Variants in EFHC2 observed in about 807,000 individuals in gnomAD.
The protein encoded by EFHC2 is EF-hand domain-containing family member C2.
A neutral mutation model predicts 52.7 loss-of-function variants in EFHC2; 18 were observed. That is an observed-to-expected ratio of 0.34 (90% CI 0.24 to 0.51). The LOEUF (loss-of-function observed/expected upper bound fraction) is 0.51. Among genes scored for constraint, EFHC2 ranks in the 20% least tolerant of loss-of-function variants. The probability of loss-of-function intolerance (pLI) is 0.97; values close to 1 mark genes in which losing one functional copy is unlikely to be tolerated. For synonymous variants in EFHC2, 203 were observed against 204.1 expected (o/e 0.99, Z 0.04); for missense variants, 513 against 562.5 (o/e 0.91, Z 0.89).
intron 14 of EFHC2, 45 bp from the exon 15 acceptor site, chrX:44,148,941 A>G (rs757555484): frequency 3.3e-5 from 36 of 1,077,357 alleles, no homozygotes; most frequent in Middle Eastern, 2.5e-4. Context: ...CACATTTCAA[A>G]GTACAGTTTT....
intron 11 of EFHC2, among the ~76,000 whole-genome samples, chrX:44,226,916 A>AGAAG (rs778406403): frequency 2.7e-5 from 3 of 109,130 alleles, no homozygotes; most frequent in Non-Finnish European, 3.8e-5. Flanking sequence ...AAGAAAAAGA[A>AGAAG]GAAGGAAGGA....
chrX:44,338,852 T>C (rs1456141459), intron 1 of EFHC2, among the ~76,000 whole-genome samples: 1 of 111,239 alleles, frequency 9.0e-6, no homozygotes, highest in Admixed American at 9.6e-5. Flanking sequence ...GATGGGCTAT[T>C]TACAGCAAAC....
At chrX:44,254,887 C>T (rs1160547750) in intron 4 of EFHC2, among the ~76,000 whole-genome samples, 1 of 111,895 alleles carries the variant, frequency 8.9e-6, no homozygotes, top group Non-Finnish European at 1.9e-5. Flanking sequence ...GGTCGGGTTA[C>T]CCACAAAGGG....
At chrX:44,329,799 T>C (rs963067607) in intron 1 of EFHC2, among the ~76,000 whole-genome samples, 1 of 108,383 alleles carries the variant, frequency 9.2e-6, no homozygotes, top group Non-Finnish European at 1.9e-5. Flanking sequence ...AGAGTCAAAG[T>C]CCCCTTATGT....
At chrX:44,225,453 A>G (rs2037225868) in intron 11 of EFHC2, among the ~76,000 whole-genome samples, 1 of 110,237 alleles carries the variant, frequency 9.1e-6, no homozygotes. Flanking sequence ...ATCTCTGAGA[A>G]AAAGGGCAAT....
chrX:44,234,559 G>A (rs958585778), intron 9 of EFHC2, among the ~76,000 whole-genome samples: 29 of 111,782 alleles, frequency 2.6e-4, no homozygotes, highest in Non-Finnish European at 5.1e-4. Flanking sequence ...CCATGGTTGG[G>A]GTATTCACAC....
At chrX:44,249,433 T>A (rs1394147028) in intron 5 of EFHC2, among the ~76,000 whole-genome samples, 1 of 110,536 alleles carries the variant, frequency 9.0e-6, no homozygotes, top group East Asian at 2.8e-4. Flanking sequence ...GGTCCTTAGA[T>A]GGTGTTTTTT....
At chrX:44,234,115 T>C (rs1038243774) in intron 9 of EFHC2, among the ~76,000 whole-genome samples, 41 of 111,900 alleles carry the variant, frequency 3.7e-4, no homozygotes, top group African/African-American at 1.3e-3. Flanking sequence ...ATTAAATCTC[T>C]TGCATATTTA....
chrX:44,188,074 G>A (rs1357407245), intron 11 of EFHC2, among the ~76,000 whole-genome samples: 1 of 108,095 alleles, frequency 9.3e-6, no homozygotes, highest in Non-Finnish European at 1.9e-5. Flanking sequence ...GGGATCAAGT[G>A]ATCCTCCCAC....
At chrX:44,271,568 C>T in intron 3 of EFHC2, among the ~76,000 whole-genome samples, 1 of 111,113 alleles carries the variant, frequency 9.0e-6, no homozygotes, top group Non-Finnish European at 1.9e-5. Context: ...TCATTTACAC[C>T]AGCAACCAAA....
At chrX:44,323,054 C>G (rs2038031915) in intron 1 of EFHC2, among the ~76,000 whole-genome samples, 1 of 111,654 alleles carries the variant, frequency 9.0e-6, no homozygotes, top group South Asian at 3.8e-4. Context: ...CTAACCAACC[C>G]AAGAGCTTAT....
chrX:44,162,611 A>G (rs1374384211), intron 14 of EFHC2, among the ~76,000 whole-genome samples: 1 of 111,213 alleles, frequency 9.0e-6, no homozygotes, highest in African/African-American at 3.3e-5. Flanking sequence ...GGCCACACCA[A>G]TTCCTCCTGG....
intron 11 of EFHC2, among the ~76,000 whole-genome samples, chrX:44,223,354 G>A (rs1245106239): frequency 8.9e-6 from 1 of 112,469 alleles, no homozygotes; most frequent in Non-Finnish European, 1.9e-5. Flanking sequence ...GTGCAGCAAT[G>A]AGTCATGGGT....
chrX:44,319,674 C>G (rs2038005715), intron 1 of EFHC2, among the ~76,000 whole-genome samples: 2 of 112,272 alleles, frequency 1.8e-5, no homozygotes, highest in South Asian at 7.3e-4. Flanking sequence ...TTTTTTCTTA[C>G]CATGACCTTC....
In EFHC2 at chrX:44,175,449, A is replaced by C. The variant is rs2036779137; in HGVS notation, c.2042+843T>G. Among the ~76,000 whole-genome samples, 3 of 111,555 alleles carry C rather than the reference A, an allele frequency of 2.7e-5. No individual in the cohort carries two copies. The South Asian group carries it at 1.1e-3, about 42-fold the overall frequency. ...CTGGCTATTTGTAGACAGTAACTCA[A>C]AATGATTAGAAGCAGAGGATGTGCA... On this transcript the variant is annotated intron_variant, in intron 13 of 14. Transcript: ENST00000420999.
intron 11 of EFHC2, among the ~76,000 whole-genome samples, chrX:44,208,377 T>C (rs1177170385): frequency 8.9e-6 from 1 of 112,013 alleles, no homozygotes; most frequent in Non-Finnish European, 1.9e-5. Flanking sequence ...TTAAGTGAAT[T>C]GATGCAGAAA....
intron 1 of EFHC2, among the ~76,000 whole-genome samples, chrX:44,338,716 TTTTTTCC>T (rs1374107720): frequency 5.1e-5 from 4 of 78,135 alleles, no homozygotes; most frequent in Non-Finnish European, 6.9e-5. Flanking sequence ...CTTCTTTTTC[TTTTTTCC>T]TTTTCAAAAA....
At chrX:44,332,914 T>A (rs1053271759) in intron 1 of EFHC2, among the ~76,000 whole-genome samples, 1 of 112,114 alleles carries the variant, frequency 8.9e-6, no homozygotes, top group Non-Finnish European at 1.9e-5. Context: ...ACTTTCTTCA[T>A]CCTTTATATT....
intron 11 of EFHC2, among the ~76,000 whole-genome samples, chrX:44,200,458 T>C (rs2036998224): frequency 1.8e-5 from 2 of 111,259 alleles, no homozygotes; most frequent in South Asian, 7.5e-4. Flanking sequence ...AAGAACAAGA[T>C]GCTACGGAAA....
Sources: allele counts gnomAD v4.1 joint callset (sites outside exome capture counted in the v4.1 genomes callset), GRCh38; gene constraint gnomAD v4.1.1; transcripts MANE v1.5; gene names NCBI Gene and HGNC (gene_info 2026-07-23, HGNC 2026-07-21).